Variants in CACNA2D1 observed in about 807,000 individuals in gnomAD.
CACNA2D1 encodes the protein calcium voltage-gated channel auxiliary subunit alpha2delta 1.
Under a neutral mutation model 171.5 loss-of-function variants are expected in CACNA2D1, and 53 were observed. The ratio of observed to expected loss-of-function variants is 0.31; its 90% confidence interval spans 0.25 to 0.39. CACNA2D1 has a LOEUF of 0.39. Ranked by LOEUF, CACNA2D1 falls within the 10% of genes least tolerant of loss-of-function variation. The pLI is 1.00. For missense variants in CACNA2D1, 903 were observed against 1,299.8 expected, an observed-to-expected ratio of 0.69 and a Z score of 4.69; for synonymous variants, 442 against 443.1, an observed-to-expected ratio of 1.00 and a Z score of 0.03.
chr7:82,002,026 A>AAG (rs1254205638), intron 18 of CACNA2D1, among the ~76,000 whole-genome samples: 9 of 143,494 alleles, frequency 6.3e-5, no homozygotes, highest in Non-Finnish European at 1.3e-4. Context: ...TTTGACAAAA[A>AAG]AAAAAAAAAA....
chr7:82,400,104 G>A (rs1168897142), intron 1 of CACNA2D1, among the ~76,000 whole-genome samples: 1 of 150,676 alleles, frequency 6.6e-6, no homozygotes, highest in East Asian at 2.0e-4. Flanking sequence ...GGTTACTGTA[G>A]CCTTGTAGTA....
intron 2 of CACNA2D1, among the ~76,000 whole-genome samples, chr7:82,342,031 GCTACAGCGCGAGACT>G (rs1490673418): frequency 7.6e-6 from 1 of 131,068 alleles, no homozygotes; most frequent in Non-Finnish European, 1.5e-5. Flanking sequence ...TCCAGCCTGG[GCTACAGCGCGAGACT>G]CCGTCTCAAA....
In CACNA2D1 at chr7:82,086,457, G is replaced by A. The variant is rs114948155; in HGVS notation, c.527-1557C>T. 2.2e-3 allele frequency among the ~76,000 whole-genome samples: 333 copies of A among 152,118 alleles called. 1 individual carries two copies. The highest frequency in any genetic ancestry group is 7.6e-3 in the African/African-American group (315 of 41,536). On this transcript the variant is annotated intron_variant, in intron 6 of 38. Coordinates refer to ENST00000356860, the MANE Select transcript of CACNA2D1 (RefSeq NM_000722.4). ...ATTCATGAGCTGCATCAGATCCATC[G>A]TGCATCTGAGATACTAGAGAATTCA...
chr7:82,326,450 C>T (rs1816657764), intron 3 of CACNA2D1, among the ~76,000 whole-genome samples: 1 of 152,256 alleles, frequency 6.6e-6, no homozygotes. Context: ...TTGAACTTCT[C>T]CAGGCTTTCA....
chr7:82,117,048 C>T lies in CACNA2D1; in HGVS notation c.522G>A (p.Glu174=). Residue 174 remains glutamate (E), a synonymous_variant, in exon 6 of 39, where the codon GAG becomes GAA. Coordinates refer to ENST00000356860, the MANE Select transcript of CACNA2D1 (RefSeq NM_000722.4). ...TGTTAACATTCTTTTACTTACAGCC[C>T]TCATAGATGTCAGTAGGAATATGGA... ...AAVHIPTDIY[E]GSTIVLNELN... 1 of 1,613,704 alleles carries T rather than the reference C, an allele frequency of 6.2e-7. No individual in the cohort carries two copies. Among genetic ancestry groups the T allele is most frequent in the African/African-American group, 1.3e-5 (1 of 74,982 alleles).
At position 81,950,430 on chromosome 7, in the gene CACNA2D1, G is replaced by A. The variant is rs142846778; in HGVS notation, c.3238C>T (p.Leu1080Phe). 11 of 1,613,238 alleles carry A rather than the reference G, an allele frequency of 6.8e-6. No homozygotes were observed. In the South Asian group the frequency reaches 1.2e-4, roughly 18 times the overall value. Residue 1080 changes from leucine to phenylalanine, a missense_variant, in exon 39 of 39, where the codon CTT becomes TTT. Leu to Phe is a conservative substitution (Grantham distance 22). Transcript: ENST00000356860. Reference sequence around the variant, plus strand: ...TGTGTGCTGCCAGATACCAGCCAAAGTAGTAGAAACTGGATTCCAATGATA... The same window carrying A: ...TGTGTGCTGCCAGATACCAGCCAAAATAGTAGAAACTGGATTCCAATGATA... The part of the protein sequence containing the change: ...WYIIGIQFLL[L>F]WLVSGSTHRL...
chr7:82,137,841 C>A (rs982815158), intron 4 of CACNA2D1, among the ~76,000 whole-genome samples: 4 of 151,068 alleles, frequency 2.6e-5, no homozygotes, highest in Admixed American at 1.3e-4. Context: ...GATCGCGCGA[C>A]AGAGCGAGAC....
chr7:82,346,901 G>C (rs1015628945), intron 2 of CACNA2D1, among the ~76,000 whole-genome samples: 1 of 152,166 alleles, frequency 6.6e-6, no homozygotes, highest in African/African-American at 2.4e-5. Context: ...ATACAAGAAG[G>C]TGTTTCAAAT....
chr7:82,224,964 G>A (rs1256546272), intron 3 of CACNA2D1, among the ~76,000 whole-genome samples: 3 of 151,964 alleles, frequency 2.0e-5, no homozygotes, highest in East Asian at 1.9e-4. Flanking sequence ...TGATCATGAC[G>A]TAAAGGTAAC....
At chr7:82,409,885 C>A (rs1420756757) in intron 1 of CACNA2D1, among the ~76,000 whole-genome samples, 1 of 152,198 alleles carries the variant, frequency 6.6e-6, no homozygotes, top group African/African-American at 2.4e-5. Flanking sequence ...GCCTACTACA[C>A]ATCTAAGTTG....
At chr7:82,265,406 T>C (rs1807695176) in intron 3 of CACNA2D1, among the ~76,000 whole-genome samples, 1 of 144,308 alleles carries the variant, frequency 6.9e-6, no homozygotes, top group Admixed American at 7.3e-5. Context: ...ATATTAACAA[T>C]TTTTCCTTTC....
chr7:82,091,034 G>C (rs1021550396), intron 6 of CACNA2D1, among the ~76,000 whole-genome samples: 1 of 152,060 alleles, frequency 6.6e-6, no homozygotes, highest in African/African-American at 2.4e-5. Context: ...TCTCTGAAAA[G>C]AAAGATGTTA....
chr7:82,302,512 T>C (rs923769527), intron 3 of CACNA2D1, among the ~76,000 whole-genome samples: 3 of 151,870 alleles, frequency 2.0e-5, no homozygotes, highest in Non-Finnish European at 4.4e-5. Context: ...CCTCCCGGGT[T>C]CAGGGGATTC....
chr7:82,137,859 CA>C (rs77305052), intron 4 of CACNA2D1, among the ~76,000 whole-genome samples: 27,408 of 149,384 alleles, frequency 0.18, 2,851 homozygotes, highest in East Asian at 0.34. Flanking sequence ...GACTCCGCCT[CA>C]AAAAAAAAAT....
At chr7:82,284,760 G>A (rs1024641871) in intron 3 of CACNA2D1, among the ~76,000 whole-genome samples, 1 of 152,096 alleles carries the variant, frequency 6.6e-6, no homozygotes, top group Non-Finnish European at 1.5e-5. Context: ...ATCACCTTGA[G>A]GGTTAAGTTC....
In CACNA2D1 at chr7:82,084,817, A is replaced by G. The variant is rs1173448179; in HGVS notation, c.610T>C (p.Leu204=). The G allele has an allele frequency of 9.9e-6, 16 of 1,614,074 alleles. No individual in the cohort carries two copies. The highest frequency in any genetic ancestry group is 1.4e-5 in the Non-Finnish European group (16 of 1,179,912). ...GTGGCACTGCCAAAAACCTGCCACA[A>G]TAATGAAGGGTCTTCCTCGCGATTC... ...KKNREEDPSL[L]WQVFGSATGL... Residue 204 remains leucine (L), a synonymous_variant, in exon 7 of 39, where the codon TTG becomes CTG. Transcript: ENST00000356860.
At chr7:82,310,753 A>G (rs1277066090) in intron 3 of CACNA2D1, among the ~76,000 whole-genome samples, 1 of 152,096 alleles carries the variant, frequency 6.6e-6, no homozygotes, top group Admixed American at 6.6e-5. Context: ...TCAAACAGTA[A>G]AGGTTTTTGT....
Position 82,149,958 on chromosome 7 carries a change from GTC to G in CACNA2D1, c.355-13284_355-13283del, listed in dbSNP as rs1307829857. Among the ~76,000 whole-genome samples the G allele has an allele frequency of 3.3e-5, 5 of 151,888 alleles. No homozygotes were observed. In the East Asian group the frequency reaches 7.8e-4, roughly 24 times the overall value. On this transcript the variant is annotated intron_variant, in intron 4 of 38. Coordinates refer to ENST00000356860, the MANE Select transcript of CACNA2D1 (RefSeq NM_000722.4). The stretch of plus-strand genomic sequence containing the variant: ...GGCTACAGAGCAAGAGTATGTGCGT[GTC>G]TCTGTGTGTGTACATGTGCGTGTGT...
At position 82,443,514 on chromosome 7, in the gene CACNA2D1, G is replaced by A. The variant is rs956548091; in HGVS notation, c.-55C>T. The stretch of plus-strand genomic sequence containing the variant: ...CTGCCCAAGCGGGGGAAGGAGCGGC[G>A]CTGGAAACCGCGGGCGGAGGAAGAG... On this transcript the variant is annotated 5_prime_UTR_variant, in exon 1 of 39. Transcript: ENST00000356860. 1.3e-6 allele frequency: 2 copies of A among 1,583,374 alleles called. No homozygotes were observed. The highest frequency in any genetic ancestry group is 1.4e-5 in the African/African-American group (1 of 73,142).
Sources: gnomAD v4.1 joint callset for allele counts (sites outside exome capture counted in the v4.1 genomes callset) on GRCh38, gnomAD v4.1.1 for gene constraint, MANE v1.5 for transcripts, NCBI Gene and HGNC (gene_info 2026-07-23, HGNC 2026-07-21) for gene names.